Variants in RBFOX1 observed in about 807,000 individuals in gnomAD.
The protein encoded by RBFOX1 is RNA binding protein fox-1 homolog 1.
RBFOX1 carries 8 observed loss-of-function variants against 57.7 expected under a neutral mutation model. The ratio of observed to expected loss-of-function variants is 0.14; its 90% confidence interval spans 0.08 to 0.25. The LOEUF (loss-of-function observed/expected upper bound fraction) is 0.25. Ranked by LOEUF, RBFOX1 falls within the 10% of genes least tolerant of loss-of-function variation. The pLI is 1.00. For missense variants in RBFOX1, 611 were observed against 548.5 expected (o/e 1.11, Z -1.14); for synonymous variants, 326 against 222.4 (o/e 1.47, Z -4.15).
At chr16:5,472,359 C>T (rs561854919) in intron 2 of RBFOX1, among the ~76,000 whole-genome samples, 106 of 152,170 alleles carry the variant, frequency 7.0e-4, no homozygotes, top group African/African-American at 2.6e-3. Context: ...GTCCCCCCAA[C>T]CCCCATTGCA....
At chr16:6,768,999 T>G (rs1348935124) in intron 3 of RBFOX1, among the ~76,000 whole-genome samples, 3 of 152,146 alleles carry the variant, frequency 2.0e-5, no homozygotes, top group African/African-American at 7.2e-5. Flanking sequence ...AGTGTTGAGG[T>G]TACTGGCGTG....
chr16:7,025,338 G>C (rs1188077360), intron 3 of RBFOX1, among the ~76,000 whole-genome samples: 1 of 152,108 alleles, frequency 6.6e-6, no homozygotes, highest in Non-Finnish European at 1.5e-5. Flanking sequence ...AGGGCCATCT[G>C]GGTTTTGATG....
chr16:5,707,005 G>C (rs1179493331), intron 3 of RBFOX1, among the ~76,000 whole-genome samples: 1 of 152,186 alleles, frequency 6.6e-6, no homozygotes, highest in Non-Finnish European at 1.5e-5. Flanking sequence ...TTATTTGTCT[G>C]AATGCTTGAG....
At chr16:6,940,801 T>TATA (rs2078265706) in intron 3 of RBFOX1, among the ~76,000 whole-genome samples, 3 of 127,056 alleles carry the variant, frequency 2.4e-5, no homozygotes, top group Non-Finnish European at 5.2e-5. Context: ...TGTGTGTGTG[T>TATA]GTGTGTGTGT....
intron 3 of RBFOX1, among the ~76,000 whole-genome samples, chr16:6,692,285 G>C (rs2060311689): frequency 6.8e-6 from 1 of 147,552 alleles, no homozygotes; most frequent in Non-Finnish European, 1.5e-5. Flanking sequence ...CTGTGGTTTG[G>C]ATTCATACCT....
intron 3 of RBFOX1, among the ~76,000 whole-genome samples, chr16:6,964,125 C>G (rs1258639965): frequency 2.0e-5 from 3 of 152,160 alleles, no homozygotes; most frequent in East Asian, 1.9e-4. Context: ...TCAAGCGATT[C>G]TCCTGCCTCA....
chr16:5,818,424 C>G (rs1372246541), intron 3 of RBFOX1, among the ~76,000 whole-genome samples: 1 of 152,144 alleles, frequency 6.6e-6, no homozygotes, highest in Non-Finnish European at 1.5e-5. Flanking sequence ...GTGGAGAGGT[C>G]TATAAGGAAC....
At chr16:5,834,687 G>GTAGATAGATAGATAGATAGATAGATAGA (rs151197873) in intron 3 of RBFOX1, among the ~76,000 whole-genome samples, 3 of 134,802 alleles carry the variant, frequency 2.2e-5, no homozygotes, top group East Asian at 2.1e-4. Flanking sequence ...AATGGGATAG[G>GTAGATAGATAGATAGATAGATAGATAGA]TAGATAGATA....
chr16:6,814,886 G>T (rs2089702334), intron 3 of RBFOX1, among the ~76,000 whole-genome samples: 2 of 152,116 alleles, frequency 1.3e-5, no homozygotes, highest in African/African-American at 4.8e-5. Flanking sequence ...GCACAGAAAA[G>T]AATTTGGGGC....
At chr16:7,678,366 C>G (rs749689304) in intron 14 of RBFOX1, among the ~76,000 whole-genome samples, 1 of 152,090 alleles carries the variant, frequency 6.6e-6, no homozygotes, top group Non-Finnish European at 1.5e-5. Context: ...TTGAAATACT[C>G]AAGATCATTC....
intron 2 of RBFOX1, among the ~76,000 whole-genome samples, chr16:6,361,902 G>GT (rs1033939486): frequency 8.6e-5 from 13 of 151,456 alleles, no homozygotes; most frequent in Non-Finnish European, 1.5e-4. Context: ...AGCCGTTTTT[G>GT]TTTTTTTTCA....
At chr16:5,944,537 C>T (rs1232639585) in intron 4 of RBFOX1, among the ~76,000 whole-genome samples, 1 of 151,836 alleles carries the variant, frequency 6.6e-6, no homozygotes, top group East Asian at 1.9e-4. Context: ...GCTGCAAATC[C>T]CGAGTTGGTC....
At chr16:6,421,006 A>G (rs554349506) in intron 2 of RBFOX1, among the ~76,000 whole-genome samples, 4 of 152,168 alleles carry the variant, frequency 2.6e-5, no homozygotes, top group Non-Finnish European at 5.9e-5. Flanking sequence ...TCCCATCTTT[A>G]TATTGTGATG....
chr16:7,292,227 TAGA>T (rs1568063825), intron 4 of RBFOX1, among the ~76,000 whole-genome samples: 5 of 124,022 alleles, frequency 4.0e-5, no homozygotes, highest in African/African-American at 1.5e-4. Context: ...ATATATGATA[TAGA>T]ACGTATTATA....
intron 1 of RBFOX1, among the ~76,000 whole-genome samples, chr16:6,110,657 T>G (rs1371134809): frequency 6.6e-6 from 1 of 152,062 alleles, no homozygotes; most frequent in African/African-American, 2.4e-5. Flanking sequence ...TGGCATGAAA[T>G]AGGAACGGAG....
At chr16:5,656,669 T>C (rs573083250) in intron 3 of RBFOX1, among the ~76,000 whole-genome samples, 1 of 152,356 alleles carries the variant, frequency 6.6e-6, no homozygotes, top group African/African-American at 2.4e-5. Context: ...CTTATAGCCA[T>C]ACCCAAGGAT....
chr16:6,662,340 A>G (rs1183081581), intron 3 of RBFOX1, among the ~76,000 whole-genome samples: 3 of 152,222 alleles, frequency 2.0e-5, no homozygotes, highest in African/African-American at 7.2e-5. Flanking sequence ...GGTAGTAGTA[A>G]TCATTTCATG....
intron 4 of RBFOX1, among the ~76,000 whole-genome samples, chr16:7,304,845 C>T (rs961783033): frequency 6.6e-6 from 1 of 151,690 alleles, no homozygotes; most frequent in Admixed American, 6.6e-5. Context: ...TGGAGGCATT[C>T]CGGTGCCTGT....
At chr16:6,883,751 C>A (rs758575999) in intron 3 of RBFOX1, among the ~76,000 whole-genome samples, 2 of 151,544 alleles carry the variant, frequency 1.3e-5, no homozygotes, top group East Asian at 3.9e-4. Flanking sequence ...TTCTACAGTT[C>A]TTATAGATGT....
Sources: allele counts gnomAD v4.1 joint callset (sites outside exome capture counted in the v4.1 genomes callset), GRCh38; gene constraint gnomAD v4.1.1; transcripts MANE v1.5; gene names NCBI Gene and HGNC (gene_info 2026-07-23, HGNC 2026-07-21).